Variants in UPP2 observed in about 807,000 individuals in gnomAD.
UPP2 encodes UPase 2.
A neutral mutation model predicts 26.7 loss-of-function variants in UPP2; 23 were observed. That is an observed-to-expected ratio of 0.86 (90% CI 0.62 to 1.22). UPP2 has a LOEUF of 1.22. Ranked by LOEUF, UPP2 falls within the 50% of genes most tolerant of loss-of-function variation. UPP2 has a pLI of 0.00. For synonymous variants in UPP2, 127 were observed against 141.3 expected, an observed-to-expected ratio of 0.90 and a Z score of 0.72; for missense variants, 387 against 396.7, an observed-to-expected ratio of 0.98 and a Z score of 0.21.
In UPP2 at chr2:158,033,733, T is replaced by C. The variant is rs142384219; in HGVS notation, c.147+17847T>C. Among the ~76,000 whole-genome samples the C allele has an allele frequency of 2.5e-3, 377 of 152,324 alleles. 5 individuals carry two copies. Among genetic ancestry groups the C allele is most frequent in the African/African-American group, 8.0e-3 (331 of 41,566 alleles). The stretch of plus-strand genomic sequence containing the variant: ...GCCCACTTTTCCAAGTAGTTTCTGT[T>C]ATTAGCCTATCCTCAGGTTTAAAAT... On this transcript the variant is annotated intron_variant, in intron 3 of 9. Coordinates refer to the UPP2 transcript ENST00000605860.
In UPP2 at chr2:157,997,836, T is replaced by C. The variant is rs150882247; in HGVS notation, c.61+2577T>C. Among the ~76,000 whole-genome samples the C allele has an allele frequency of 4.6e-5, 7 of 152,322 alleles. No individual in the cohort carries two copies. In the East Asian group the frequency reaches 1.4e-3, roughly 29 times the overall value. ...GATGTTCATTTTCCTTAAGATGCAC[T>C]ACAATCACCCCCTCTTACCACTAAA... On this transcript the variant is annotated intron_variant, in intron 2 of 9. Coordinates refer to the UPP2 transcript ENST00000605860.
intron 3 of UPP2, among the ~76,000 whole-genome samples, chr2:158,036,528 A>G (rs547492588): frequency 1.3e-5 from 2 of 152,332 alleles, no homozygotes; most frequent in South Asian, 4.1e-4. Flanking sequence ...ATTTTCCAGT[A>G]TAAACTATAG....
chr2:158,090,358 A>G (rs375537098), intron 3 of UPP2, among the ~76,000 whole-genome samples: 4 of 152,156 alleles, frequency 2.6e-5, no homozygotes, highest in African/African-American at 9.6e-5. Flanking sequence ...AAAATTAGCC[A>G]GGCGTGGTGG....
chr2:158,056,006 A>C (rs1682240539), intron 3 of UPP2, among the ~76,000 whole-genome samples: 1 of 152,146 alleles, frequency 6.6e-6, no homozygotes, highest in African/African-American at 2.4e-5. Flanking sequence ...AGGAAAGGAG[A>C]GGAAGGAGAC....
At chr2:158,000,547 A>C (rs1457734018) in intron 2 of UPP2, among the ~76,000 whole-genome samples, 1 of 152,202 alleles carries the variant, frequency 6.6e-6, no homozygotes, top group Admixed American at 6.5e-5. Context: ...TGCTGATGCT[A>C]AATGATTTCT....
At chr2:158,017,994 A>T (rs1013737152) in intron 3 of UPP2, among the ~76,000 whole-genome samples, 3 of 152,224 alleles carry the variant, frequency 2.0e-5, no homozygotes, top group African/African-American at 7.2e-5. Context: ...CTTTACCTTA[A>T]CACTGTATGT....
intron 3 of UPP2, among the ~76,000 whole-genome samples, chr2:158,023,366 C>G (rs1005096794): frequency 6.6e-6 from 1 of 152,118 alleles, no homozygotes; most frequent in African/African-American, 2.4e-5. Flanking sequence ...TAATTAATTG[C>G]TACAAACAGC....
chr2:158,098,968 G>A (rs1312607936), upstream of UPP2, among the ~76,000 whole-genome samples: 1 of 152,068 alleles, frequency 6.6e-6, no homozygotes, highest in African/African-American at 2.4e-5. Context: ...AGGTTTTGAG[G>A]CACCTATAAC....
chr2:158,009,410 C>T (rs1683542604), intron 2 of UPP2, among the ~76,000 whole-genome samples: 1 of 152,188 alleles, frequency 6.6e-6, no homozygotes, highest in African/African-American at 2.4e-5. Context: ...GAAACCCTTA[C>T]ATAGACATCT....
At chr2:158,100,559 T>A (rs1197763325), upstream of UPP2, among the ~76,000 whole-genome samples, 3 of 152,172 alleles carry the variant, frequency 2.0e-5, no homozygotes, top group Admixed American at 2.0e-4. Context: ...ATGTTGAGTC[T>A]CAAAATTGCC....
chr2:158,121,197 A>G (rs1683558781), intron 4 of UPP2, among the ~76,000 whole-genome samples: 1 of 152,026 alleles, frequency 6.6e-6, no homozygotes, highest in Admixed American at 6.6e-5. Flanking sequence ...TCTAAACCCC[A>G]TCACATTGTA....
chr2:158,106,571 CT>C (rs1163189524), intron 2 of UPP2, among the ~76,000 whole-genome samples: 2 of 152,084 alleles, frequency 1.3e-5, no homozygotes, highest in Non-Finnish European at 2.9e-5. Context: ...CTCACTAGTT[CT>C]CGTTTTATTA....
chr2:157,996,202 T>C (rs77804252), intron 2 of UPP2, among the ~76,000 whole-genome samples: 2,706 of 152,312 alleles, frequency 0.018, 83 homozygotes, highest in African/African-American at 0.061. Context: ...ATTGCCTCTC[T>C]CCACTGGAGA....
chr2:158,100,294 C>G (rs577982349), upstream of UPP2, among the ~76,000 whole-genome samples: 1 of 152,258 alleles, frequency 6.6e-6, no homozygotes, highest in African/African-American at 2.4e-5. Context: ...CATTACCTGG[C>G]ACTGTTAGTG....
intron 2 of UPP2, among the ~76,000 whole-genome samples, chr2:158,002,777 T>C (rs1683428589): frequency 6.6e-6 from 1 of 152,232 alleles, no homozygotes; most frequent in African/African-American, 2.4e-5. Flanking sequence ...ATTTTAATGT[T>C]GTGCTGTTTG....
intron 3 of UPP2, among the ~76,000 whole-genome samples, chr2:158,050,147 G>T (rs1253477454): frequency 6.6e-6 from 1 of 152,232 alleles, no homozygotes; most frequent in African/African-American, 2.4e-5. Flanking sequence ...AAATTTAGCA[G>T]AGTGTTTGGC....
At chr2:158,121,694 A>G in intron 5 of UPP2, 76 bp downstream of exon 5, 2 of 1,290,116 alleles carry the variant, frequency 1.6e-6, no homozygotes, top group Non-Finnish European at 2.2e-6. Flanking sequence ...CATAATTTAT[A>G]TTAACAACTC....
intron 2 of UPP2, among the ~76,000 whole-genome samples, chr2:158,108,887 C>CGT (rs748328980): frequency 0.074 from 9,906 of 132,994 alleles, 249 homozygotes; most frequent in East Asian, 0.16. Context: ...GAGGCAAAAG[C>CGT]GTGTGTGTGT....
intron 3 of UPP2, among the ~76,000 whole-genome samples, chr2:158,061,334 C>T (rs1416013264): frequency 6.6e-6 from 1 of 152,108 alleles, no homozygotes; most frequent in Non-Finnish European, 1.5e-5. Context: ...TCACACAAGG[C>T]CTTAGTGTAT....
Sources: allele counts gnomAD v4.1 joint callset (sites outside exome capture counted in the v4.1 genomes callset), GRCh38; gene constraint gnomAD v4.1.1; transcripts MANE v1.5; gene names NCBI Gene and HGNC (gene_info 2026-07-23, HGNC 2026-07-21).